Variants in SLC7A14 observed in about 807,000 individuals in gnomAD.
SLC7A14 encodes the protein gamma-aminobutyric acid transporter SLC7A14.
In SLC7A14, 37 loss-of-function variants were observed where a neutral mutation model predicts 60.2. The observed-to-expected ratio is 0.61, with a 90% CI of 0.47 to 0.81. SLC7A14 has a LOEUF of 0.81. Ranked by LOEUF, SLC7A14 falls within the 30% of genes least tolerant of loss-of-function variation. SLC7A14 has a pLI of 0.00. For synonymous variants in SLC7A14, 399 were observed against 395.8 expected, an observed-to-expected ratio of 1.01 and a Z score of -0.10; for missense variants, 886 against 982.7, an observed-to-expected ratio of 0.90 and a Z score of 1.32.
At chr3:170,514,796 G>A (rs1713098793) in intron 2 of SLC7A14, among the ~76,000 whole-genome samples, 1 of 152,284 alleles carries the variant, frequency 6.6e-6, no homozygotes, top group South Asian at 2.1e-4. Context: ...TGTTAGGTTG[G>A]AAACTGGCCA....
At chr3:170,515,417 T>C (rs914788769) in intron 2 of SLC7A14, among the ~76,000 whole-genome samples, 1 of 151,998 alleles carries the variant, frequency 6.6e-6, no homozygotes, top group Admixed American at 6.6e-5. Context: ...GGGGCCTATA[T>C]CACTTTCCAG....
chr3:170,472,535 G>A (rs1024383909), intron 7 of SLC7A14, among the ~76,000 whole-genome samples: 6 of 152,210 alleles, frequency 3.9e-5, no homozygotes, highest in Admixed American at 3.9e-4. Flanking sequence ...GGAGGCGGAG[G>A]TGGGTGGATC....
chr3:170,531,956 T>A lies in SLC7A14; in HGVS notation c.-152-4868A>T, dbSNP rs140405459. On this transcript the variant is annotated intron_variant, in intron 1 of 7. Transcript: ENST00000231706. ...AAATAATTACAGTTGAGTAGTTCAC[T>A]GAATGAGTAGGATTATCGAATTAGG... 2.1e-3 allele frequency among the ~76,000 whole-genome samples: 321 copies of A among 152,274 alleles called. 1 individual carries two copies. The highest frequency in any genetic ancestry group is 7.3e-3 in the African/African-American group (305 of 41,536).
chr3:170,547,075 G>GTCT (rs1274685500), intron 1 of SLC7A14, among the ~76,000 whole-genome samples: 1 of 152,112 alleles, frequency 6.6e-6, no homozygotes, highest in African/African-American at 2.4e-5. Context: ...CCATGGCTGG[G>GTCT]TCTACCTGGA....
At chr3:170,544,763 G>A (rs1441975984) in intron 1 of SLC7A14, among the ~76,000 whole-genome samples, 2 of 152,210 alleles carry the variant, frequency 1.3e-5, no homozygotes, top group African/African-American at 2.4e-5. Context: ...AACCCTGTGA[G>A]AGAGATACTA....
chr3:170,545,483 T>G (rs1265025668), intron 1 of SLC7A14, among the ~76,000 whole-genome samples: 1 of 152,214 alleles, frequency 6.6e-6, no homozygotes, highest in Admixed American at 6.5e-5. Flanking sequence ...GCTGTCCCTG[T>G]AGAGTTTAAT....
chr3:170,562,171 G>A lies in SLC7A14; in HGVS notation c.-153+23740C>T, dbSNP rs547599342. 7.9e-5 allele frequency among the ~76,000 whole-genome samples: 12 copies of A among 152,228 alleles called. 1 individual carries two copies. The highest frequency in any genetic ancestry group is 2.9e-4 in the African/African-American group (12 of 41,526). On this transcript the variant is annotated intron_variant, in intron 1 of 7. Transcript: ENST00000231706. ...ACCCAGAGGAATAAAAGTCATTACA[G>A]GAAACAGATACTTGCACACACATAT...
chr3:170,528,236 T>C (rs1713568416), intron 1 of SLC7A14, among the ~76,000 whole-genome samples: 1 of 152,200 alleles, frequency 6.6e-6, no homozygotes, highest in Non-Finnish European at 1.5e-5. Flanking sequence ...GTATTTATTA[T>C]AAAAAGGGGT....
chr3:170,579,679 G>T (rs185056600), intron 1 of SLC7A14, among the ~76,000 whole-genome samples: 3 of 152,186 alleles, frequency 2.0e-5, no homozygotes, highest in Admixed American at 1.3e-4. Context: ...CTGCAATGTC[G>T]CTAGTTCTCC....
chr3:170,525,454 T>C (rs2045143081), intron 2 of SLC7A14, among the ~76,000 whole-genome samples: 2 of 152,316 alleles, frequency 1.3e-5, no homozygotes, highest in Admixed American at 6.5e-5. Flanking sequence ...TGTGGAGGTG[T>C]TTGTGGCAGA....
In SLC7A14 at chr3:170,480,716, A is replaced by G. The variant is rs1711783783; in HGVS notation, c.1566T>C (p.Ala522=). The change falls in exon 7 of 8, where the codon GCT becomes GCC. Residue 522 remains alanine (A), a synonymous_variant. Transcript: ENST00000231706. The stretch of plus-strand genomic sequence containing the variant: ...TGAGATAAATATTTTCGGATTCATC[A>G]GCTTCTATGCCTGTGGTCATGTCCA... ...GTVDMTTGIE[A]DESENIYLIK... The G allele has an allele frequency of 6.2e-7, 1 of 1,614,110 alleles. No homozygotes were observed. Among genetic ancestry groups the G allele is most frequent in the African/African-American group, 1.3e-5 (1 of 74,938 alleles).
intron 3 of SLC7A14, among the ~76,000 whole-genome samples, chr3:170,500,669 T>A (rs548509703): frequency 3.3e-5 from 5 of 152,314 alleles, no homozygotes; most frequent in African/African-American, 1.2e-4. Context: ...AGTTCTTTTT[T>A]TCCTGCATTG....
intron 4 of SLC7A14, chr3:170,496,779 C>G (rs1712412350): frequency 1.4e-6 from 1 of 717,552 alleles, no homozygotes; most frequent in Admixed American, 1.9e-5. Context: ...TCGCGGGCTC[C>G]AGCTCATTCA....
At chr3:170,514,067 C>T (rs540631718) in intron 2 of SLC7A14, among the ~76,000 whole-genome samples, 24 of 152,376 alleles carry the variant, frequency 1.6e-4, no homozygotes, top group Admixed American at 8.5e-4. Context: ...TCTCCTTGCA[C>T]CCCTTGCTTT....
chr3:170,582,176 G>A (rs1021121577), intron 1 of SLC7A14, among the ~76,000 whole-genome samples: 1 of 152,156 alleles, frequency 6.6e-6, no homozygotes, highest in Non-Finnish European at 1.5e-5. Flanking sequence ...TGATGTATTA[G>A]GCATAAGTGG....
chr3:170,567,661 C>G (rs1714832419), intron 1 of SLC7A14, among the ~76,000 whole-genome samples: 1 of 151,288 alleles, frequency 6.6e-6, no homozygotes, highest in Admixed American at 6.6e-5. Flanking sequence ...CACATCCTCT[C>G]CAGCACCTGT....
At chr3:170,492,441 A>G (rs931523200) in intron 4 of SLC7A14, among the ~76,000 whole-genome samples, 3 of 152,062 alleles carry the variant, frequency 2.0e-5, no homozygotes, top group African/African-American at 7.2e-5. Flanking sequence ...GGAGGTTGAG[A>G]CTGCAGTGAG....
At chr3:170,551,248 A>G (rs747759777) in intron 1 of SLC7A14, among the ~76,000 whole-genome samples, 3 of 152,256 alleles carry the variant, frequency 2.0e-5, no homozygotes, top group Non-Finnish European at 2.9e-5. Flanking sequence ...TTATGGCTGA[A>G]TAATATCCCA....
Position 170,467,262 on chromosome 3 carries a change from T to A in SLC7A14, c.2109A>T (p.Ser703=). 1 of 1,613,918 alleles carries A rather than the reference T, an allele frequency of 6.2e-7. No individual in the cohort carries two copies. Among genetic ancestry groups the A allele is most frequent in the Non-Finnish European group, 8.5e-7 (1 of 1,179,952 alleles). Residue 703 remains serine, a synonymous_variant, in exon 8 of 8, where the codon TCA becomes TCT. Transcript: ENST00000231706. ...YQRYDVDDPF[S]VEEGFSYATE... ...TGGCGTAGGAGAAACCCTCCTCCAC[T>A]GAGAAGGGGTCATCCACGTCGTAGC... is the stretch of plus-strand genomic sequence containing the variant.
Sources: allele counts gnomAD v4.1 joint callset (sites outside exome capture counted in the v4.1 genomes callset), GRCh38; gene constraint gnomAD v4.1.1; transcripts MANE v1.5; gene names NCBI Gene and HGNC (gene_info 2026-07-23, HGNC 2026-07-21).